Variants in GMNN observed in about 807,000 individuals in gnomAD.
The protein encoded by GMNN is geminin.
Under a neutral mutation model 20.9 loss-of-function variants are expected in GMNN, and 14 were observed. The ratio of observed to expected loss-of-function variants is 0.67; its 90% CI spans 0.44 to 1.05. The LOEUF (loss-of-function observed/expected upper bound fraction) is 1.05, where lower values mean the gene tolerates loss of function less well. Ranked by LOEUF, GMNN falls within the 50% of genes least tolerant of loss-of-function variation. GMNN has a pLI of 0.00. For missense variants in GMNN, 227 were observed against 243.8 expected (o/e 0.93, Z 0.46); for synonymous variants, 81 against 85.8 (o/e 0.94, Z 0.31).
chr6:24,778,045 G>A (rs1780119209), intron 2 of GMNN, among the ~76,000 whole-genome samples: 1 of 152,106 alleles, frequency 6.6e-6, no homozygotes, highest in Non-Finnish European at 1.5e-5. Context: ...TATGACAGCA[G>A]GACAGAGTTT....
At chr6:24,780,772 G>A (rs375566872) in intron 3 of GMNN, 32 bp downstream of exon 3, 9 of 970,732 alleles carry the variant, frequency 9.3e-6, no homozygotes, top group Non-Finnish European at 1.5e-5. Context: ...TGGGGTACTG[G>A]TGATACAGTG....
intron 6 of GMNN, 84 bp downstream of exon 6, chr6:24,784,638 T>C (rs1780301874): frequency 3.3e-6 from 2 of 607,928 alleles, no homozygotes; most frequent in Admixed American, 5.5e-5. Flanking sequence ...CTTTGAAGTG[T>C]TAGGGCTCTG....
intron 5 of GMNN, 73 bp downstream of exon 5, chr6:24,784,242 G>C: frequency 1.2e-6 from 1 of 825,710 alleles, no homozygotes. Flanking sequence ...TATTTTATTA[G>C]AGCAATATGG....
intron 4 of GMNN, among the ~76,000 whole-genome samples, chr6:24,783,616 A>G (rs576432484): frequency 1.3e-5 from 2 of 152,290 alleles, no homozygotes; most frequent in East Asian, 1.9e-4. Context: ...CTCCAGTATC[A>G]TGACAAATTG....
intron 4 of GMNN, among the ~76,000 whole-genome samples, chr6:24,782,886 GAA>G (rs60716450): frequency 2.2e-5 from 3 of 135,382 alleles, no homozygotes; most frequent in Admixed American, 7.5e-5. Context: ...GTGTAATTTT[GAA>G]AAAAAAAAAA....
chr6:24,776,679 T>C (rs1780079818), intron 1 of GMNN, among the ~76,000 whole-genome samples: 2 of 152,236 alleles, frequency 1.3e-5, no homozygotes, highest in African/African-American at 4.8e-5. Flanking sequence ...TCAACCGCAT[T>C]ACATAGATCC....
At chr6:24,781,410 G>T in intron 3 of GMNN, 67 bp from the exon 4 acceptor site, 1 of 1,079,052 alleles carries the variant, frequency 9.3e-7, no homozygotes, top group South Asian at 1.6e-5. Flanking sequence ...ATACATAAAT[G>T]AAAAACCACC....
rs542151939 is a variant in GMNN at position 24,776,266 on chromosome 6, T to G, written c.-25-956T>G. ...ACGAGCACCACCACGTCCGGCTAAT[T>G]TTTGTATTTTTGGTAGAGATGGAGT... is the stretch of plus-strand genomic sequence containing the variant. On this transcript the variant is annotated intron_variant, in intron 1 of 6. Transcript: ENST00000230056. Among the ~76,000 whole-genome samples the G allele has an allele frequency of 5.3e-5, 8 of 151,774 alleles. No homozygotes were observed. In the South Asian group the frequency reaches 1.3e-3, roughly 24 times the overall value.
chr6:24,780,666 A>G lies in GMNN; in HGVS notation c.55A>G (p.Ser19Gly), dbSNP rs567099943. The G allele has an allele frequency of 1.2e-5, 19 of 1,559,258 alleles. 1 individual carries two copies. In the South Asian group the frequency reaches 2.1e-4, roughly 17 times the overall value. ...ATGAATTATGCTGACTTTTTAGAAT[A>G]GTTCTGTCCCAAGAAGAACTCTGAA... ...QEEIKENIKNSSVPRRTLKMI... is the reference protein window; with the variant it reads ...QEEIKENIKNGSVPRRTLKMI... The change falls in exon 3 of 7, where the codon AGT becomes GGT. Residue 19 changes from serine (S) to glycine (G), a missense_variant. Physicochemically the swap from Ser to Gly is moderately conservative, Grantham distance 56. Transcript: ENST00000230056.
intron 6 of GMNN, 96 bp from the exon 7 acceptor site, chr6:24,785,542 C>A: frequency 1.8e-6 from 1 of 553,280 alleles, no homozygotes; most frequent in African/African-American, 2.0e-5. Context: ...AATCTCATAG[C>A]TATATCAGTA....
intron 1 of GMNN, among the ~76,000 whole-genome samples, chr6:24,776,063 C>A (rs925425518): frequency 2.0e-5 from 3 of 151,954 alleles, no homozygotes; most frequent in Non-Finnish European, 4.4e-5. Flanking sequence ...TAGAAAATAG[C>A]AGGATGCCCG....
At chr6:24,777,685 C>G (rs1386854688) in intron 2 of GMNN, 1 of 153,060 alleles carries the variant, frequency 6.5e-6, no homozygotes, top group Non-Finnish European at 1.5e-5. Context: ...GATTTTGTGT[C>G]CTGAAACCTT....
intron 4 of GMNN, 46 bp downstream of exon 4, chr6:24,781,667 T>G (rs543948104): frequency 1.5e-5 from 14 of 943,450 alleles, no homozygotes; most frequent in Middle Eastern, 5.0e-4. Flanking sequence ...AATTATGATA[T>G]AAGGAAAAAT....
intron 2 of GMNN, chr6:24,777,615 T>A (rs1581425609): frequency 1.2e-5 from 2 of 170,884 alleles, no homozygotes; most frequent in East Asian, 3.1e-4. Context: ...ATTGTTTCCT[T>A]AATTTCATTC....
chr6:24,785,508 T>C (rs1392237214), intron 6 of GMNN, 130 bp from the exon 7 acceptor site: 4 of 506,666 alleles, frequency 7.9e-6, no homozygotes, highest in East Asian at 6.9e-5. Flanking sequence ...TATAAATGAA[T>C]TTATTGAGGG....
chr6:24,776,015 C>A (rs1379697799), intron 1 of GMNN, among the ~76,000 whole-genome samples: 1 of 152,152 alleles, frequency 6.6e-6, no homozygotes, highest in East Asian at 1.9e-4. Context: ...GGTCTGTTTA[C>A]TGGGGCCCGA....
chr6:24,775,918 A>G (rs1217269300), intron 1 of GMNN: 5 of 152,028 alleles, frequency 3.3e-5, no homozygotes, highest in African/African-American at 1.2e-4. Flanking sequence ...CATTCTGTTC[A>G]GTTGCATTTT....
intron 2 of GMNN, among the ~76,000 whole-genome samples, chr6:24,779,830 A>G (rs1321838653): frequency 6.6e-6 from 1 of 152,206 alleles, no homozygotes; most frequent in Non-Finnish European, 1.5e-5. Flanking sequence ...ATTTTCACCA[A>G]AACAATAGCT....
intron 1 of GMNN, 83 bp from the exon 2 acceptor site, chr6:24,777,139 T>C: frequency 2.0e-6 from 1 of 504,170 alleles, no homozygotes; most frequent in East Asian, 3.4e-5. Context: ...TACTGTACAA[T>C]AGTATAATTT....
Sources: gnomAD v4.1 joint callset for allele counts (sites outside exome capture counted in the v4.1 genomes callset) on GRCh38, gnomAD v4.1.1 for gene constraint, MANE v1.5 for transcripts, NCBI Gene and HGNC (gene_info 2026-07-23, HGNC 2026-07-21) for gene names.